The following LYPLAL1 variants were observed in gnomAD, a reference collection of about 807,000 sequenced individuals.
The protein encoded by LYPLAL1 is lysophospholipase-like protein 1.
LYPLAL1 carries 23 observed loss-of-function variants against 19.7 expected under a neutral mutation model. That is an observed-to-expected ratio of 1.17 (90% CI 0.84 to 1.65). The LOEUF is 1.65. Ranked by LOEUF, LYPLAL1 falls within the 40% of genes most tolerant of loss-of-function variation. LYPLAL1 has a pLI of 0.00. For synonymous variants in LYPLAL1, 119 were observed against 96.3 expected (o/e 1.24, Z -1.38); for missense variants, 355 against 279.4 (o/e 1.27, Z -1.93).
rs537200582 is a variant in LYPLAL1 at position 219,209,411 on chromosome 1, G to A, written c.362-1121G>A. ...TATTAAACTCTATTGCAAAAGATCCGAATTCCAAAATTACTATTAATAGTT... is the reference window on the plus strand; with the variant it reads ...TATTAAACTCTATTGCAAAAGATCCAAATTCCAAAATTACTATTAATAGTT... On this transcript the variant is annotated intron_variant, in intron 3 of 4. Transcript: ENST00000366928. Among the ~76,000 whole-genome samples the A allele has an allele frequency of 3.9e-5, 6 of 152,032 alleles. No homozygotes were observed. In the South Asian group the frequency reaches 1.0e-3, roughly 26 times the overall value.
the LYPLAL1 span, among the ~76,000 whole-genome samples, chr1:219,390,854 G>A: frequency 6.6e-6 from 1 of 152,110 alleles, no homozygotes. Flanking sequence ...AGAAGTTTAA[G>A]ATCTCCCCAA....
the LYPLAL1 span, among the ~76,000 whole-genome samples, chr1:219,379,966 C>A: frequency 6.6e-6 from 1 of 152,190 alleles, no homozygotes; most frequent in Admixed American, 6.5e-5. Flanking sequence ...GCCCAAAAGG[C>A]AGGAACTGGC....
At chr1:219,237,987 A>G in the LYPLAL1 span, among the ~76,000 whole-genome samples, 1 of 152,088 alleles carries the variant, frequency 6.6e-6, no homozygotes, top group African/African-American at 2.4e-5. Flanking sequence ...TGGGACATCT[A>G]TGCACCTGGC....
At chr1:219,340,797 A>C in the LYPLAL1 span, among the ~76,000 whole-genome samples, 1 of 152,076 alleles carries the variant, frequency 6.6e-6, no homozygotes, top group East Asian at 1.9e-4. Context: ...ATTTATTACT[A>C]GTCTGAAAAT....
chr1:219,306,064 GAACTC>G, the LYPLAL1 span, among the ~76,000 whole-genome samples: 15 of 152,108 alleles, frequency 9.9e-5, no homozygotes, highest in Non-Finnish European at 1.8e-4. Flanking sequence ...AACAGACAAT[GAACTC>G]CATACATGTA....
At chr1:219,280,961 A>C in the LYPLAL1 span, among the ~76,000 whole-genome samples, 1 of 152,332 alleles carries the variant, frequency 6.6e-6, no homozygotes, top group East Asian at 1.9e-4. Flanking sequence ...AGGAAGGAGA[A>C]TCACTTGAAC....
At chr1:219,281,325 A>G in the LYPLAL1 span, among the ~76,000 whole-genome samples, 5 of 152,226 alleles carry the variant, frequency 3.3e-5, no homozygotes, top group Non-Finnish European at 7.3e-5. Flanking sequence ...GTAATAATTA[A>G]TCTATAAAGA....
chr1:219,221,896 T>C, the LYPLAL1 span, among the ~76,000 whole-genome samples: 1 of 151,998 alleles, frequency 6.6e-6, no homozygotes, highest in South Asian at 2.1e-4. Flanking sequence ...AACAACAATA[T>C]GTTAAAACAA....
the LYPLAL1 span, among the ~76,000 whole-genome samples, chr1:219,380,795 C>G: frequency 2.0e-5 from 3 of 152,156 alleles, no homozygotes; most frequent in Non-Finnish European, 2.9e-5. Context: ...AAATATCTTA[C>G]TCTTTGTGAG....
chr1:219,298,326 A>G, the LYPLAL1 span, among the ~76,000 whole-genome samples: 1 of 152,130 alleles, frequency 6.6e-6, no homozygotes, highest in Non-Finnish European at 1.5e-5. Flanking sequence ...AAAATAAAAT[A>G]AAATACATTT....
chr1:219,316,306 A>G, the LYPLAL1 span, among the ~76,000 whole-genome samples: 4 of 152,150 alleles, frequency 2.6e-5, no homozygotes, highest in Non-Finnish European at 5.9e-5. Context: ...TCATTTTGTC[A>G]TAGTGTATAA....
At chr1:219,215,889 A>G (rs1659274404), downstream of LYPLAL1, among the ~76,000 whole-genome samples, 2 of 152,306 alleles carry the variant, frequency 1.3e-5, no homozygotes, top group South Asian at 2.1e-4. Flanking sequence ...AGGTGAAAGA[A>G]TAAGATTCCC....
At chr1:219,327,076 G>A in the LYPLAL1 span, among the ~76,000 whole-genome samples, 1 of 152,086 alleles carries the variant, frequency 6.6e-6, no homozygotes. Context: ...ACCACCTCAT[G>A]ACAGAGCTAG....
intron 1 of LYPLAL1, chr1:219,175,023 A>G: frequency 1.0e-6 from 1 of 985,438 alleles, no homozygotes; most frequent in African/African-American, 1.7e-5. Flanking sequence ...CGAGACGGGT[A>G]GGCTTAAATG....
chr1:219,355,489 A>G, the LYPLAL1 span, among the ~76,000 whole-genome samples: 1 of 152,244 alleles, frequency 6.6e-6, no homozygotes, highest in Admixed American at 6.5e-5. Context: ...TTAAAAGGCA[A>G]AGATTGTCAT....
chr1:219,289,079 T>TTTTG, the LYPLAL1 span, among the ~76,000 whole-genome samples: 18 of 45,284 alleles, frequency 4.0e-4, 1 homozygote, highest in South Asian at 1.5e-3. Context: ...TCTTGTTTTG[T>TTTTG]TTTTTTTGTT....
chr1:219,438,527 T>C, the LYPLAL1 span, among the ~76,000 whole-genome samples: 3 of 152,228 alleles, frequency 2.0e-5, no homozygotes, highest in African/African-American at 7.2e-5. Context: ...TTACTCTCCA[T>C]TGTTCTGTAG....
At chr1:219,344,445 C>A in the LYPLAL1 span, among the ~76,000 whole-genome samples, 3 of 152,206 alleles carry the variant, frequency 2.0e-5, no homozygotes, top group Non-Finnish European at 4.4e-5. Context: ...GGGAGTCTTC[C>A]CCCAGGATTT....
the LYPLAL1 span, among the ~76,000 whole-genome samples, chr1:219,237,910 C>T: frequency 3.9e-5 from 6 of 152,188 alleles, no homozygotes; most frequent in African/African-American, 1.2e-4. Context: ...AATCCCTGGC[C>T]TAGACAAGTT....
Sources: gnomAD v4.1 joint callset for allele counts (sites outside exome capture counted in the v4.1 genomes callset) on GRCh38, gnomAD v4.1.1 for gene constraint, MANE v1.5 for transcripts, NCBI Gene and HGNC (gene_info 2026-07-23, HGNC 2026-07-21) for gene names.